Variants in KCND3 observed in about 807,000 individuals in gnomAD.
KCND3 encodes the protein A-type voltage-gated potassium channel KCND3.
A neutral mutation model predicts 51.1 loss-of-function variants in KCND3; 9 were observed. The ratio of observed to expected loss-of-function variants is 0.18; its 90% CI spans 0.11 to 0.31. The LOEUF (loss-of-function observed/expected upper bound fraction) is 0.31, where lower values mean the gene tolerates loss of function less well. KCND3 is among the 10% of genes least tolerant of loss of function. KCND3 has a pLI of 1.00. For synonymous variants in KCND3, 349 were observed against 368.0 expected (o/e 0.95, Z 0.59); for missense variants, 526 against 903.8 (o/e 0.58, Z 5.36).
chr1:111,827,878 C>G (rs1011546310), intron 2 of KCND3, among the ~76,000 whole-genome samples: 1 of 152,188 alleles, frequency 6.6e-6, no homozygotes, highest in Non-Finnish European at 1.5e-5. Flanking sequence ...AGGGATGCAG[C>G]AGGGGGCCCT....
chr1:111,862,500 T>A (rs185065799), intron 2 of KCND3, among the ~76,000 whole-genome samples: 11 of 152,248 alleles, frequency 7.2e-5, no homozygotes, highest in Admixed American at 2.6e-4. Context: ...ATATGGTGAG[T>A]CTGTAAATTA....
intron 2 of KCND3, among the ~76,000 whole-genome samples, chr1:111,924,579 AG>A (rs1671618349): frequency 6.6e-6 from 1 of 152,218 alleles, no homozygotes; most frequent in Non-Finnish European, 1.5e-5. Context: ...CAATGGCCAA[AG>A]GTCCCTCATA....
intron 2 of KCND3, among the ~76,000 whole-genome samples, chr1:111,883,478 AAGAAG>A (rs1669430486): frequency 6.6e-6 from 1 of 152,228 alleles, no homozygotes; most frequent in Non-Finnish European, 1.5e-5. Context: ...CGCCTATTTA[AAGAAG>A]CCTCCCTGGT....
chr1:111,867,511 G>A (rs1020225408), intron 2 of KCND3, among the ~76,000 whole-genome samples: 1 of 152,206 alleles, frequency 6.6e-6, no homozygotes, highest in Admixed American at 6.5e-5. Context: ...GCCTTAGGAT[G>A]CTTTTAGAGC....
chr1:111,988,954 C>T (rs1479940208), intron 1 of KCND3: 1 of 152,314 alleles, frequency 6.6e-6, no homozygotes, highest in Non-Finnish European at 1.5e-5. Flanking sequence ...GTGAGTCTTT[C>T]GATCCCTCTC....
intron 2 of KCND3, among the ~76,000 whole-genome samples, chr1:111,829,639 C>A (rs556655835): frequency 6.6e-6 from 1 of 152,310 alleles, no homozygotes; most frequent in South Asian, 2.1e-4. Context: ...CCATTATCCA[C>A]TCACCTCCTG....
chr1:111,818,669 CCT>C (rs1424005598), intron 2 of KCND3, among the ~76,000 whole-genome samples: 1 of 152,160 alleles, frequency 6.6e-6, no homozygotes, highest in East Asian at 1.9e-4. Context: ...TCTATTGTCC[CCT>C]GAGTTTCCCT....
chr1:111,920,110 C>T (rs1447016349), intron 2 of KCND3, among the ~76,000 whole-genome samples: 2 of 152,214 alleles, frequency 1.3e-5, no homozygotes, highest in African/African-American at 4.8e-5. Context: ...TGGGAGAGAA[C>T]CCCACCTGGC....
intron 2 of KCND3, among the ~76,000 whole-genome samples, chr1:111,889,441 C>G (rs1201786312): frequency 6.6e-6 from 1 of 152,206 alleles, no homozygotes; most frequent in Non-Finnish European, 1.5e-5. Context: ...ACAAAGATAT[C>G]TGTTCCTGTA....
intron 2 of KCND3, among the ~76,000 whole-genome samples, chr1:111,848,840 A>G (rs1381029712): frequency 6.6e-6 from 1 of 152,214 alleles, no homozygotes; most frequent in Admixed American, 6.5e-5. Flanking sequence ...GAAGGATGCC[A>G]GGGACGCGGG....
chr1:111,934,293 TG>T (rs1009311700), intron 2 of KCND3, among the ~76,000 whole-genome samples: 5 of 152,328 alleles, frequency 3.3e-5, no homozygotes, highest in South Asian at 2.1e-4. Context: ...ATTCCATCTC[TG>T]GCCTCATGAC....
intron 2 of KCND3, among the ~76,000 whole-genome samples, chr1:111,822,810 AATAG>A (rs1246384168): frequency 2.0e-5 from 3 of 152,246 alleles, no homozygotes; most frequent in African/African-American, 4.8e-5. Context: ...TATAATCAGA[AATAG>A]ATAGGGCTAC....
At chr1:111,876,097 T>G (rs1288333597) in intron 2 of KCND3, among the ~76,000 whole-genome samples, 2 of 152,158 alleles carry the variant, frequency 1.3e-5, no homozygotes, top group Non-Finnish European at 2.9e-5. Flanking sequence ...CAAATGTCCA[T>G]TTCCTCCTTA....
chr1:111,858,859 G>A (rs1349016486), intron 2 of KCND3, among the ~76,000 whole-genome samples: 1 of 152,206 alleles, frequency 6.6e-6, no homozygotes, highest in East Asian at 1.9e-4. Context: ...GGCTGGTCCT[G>A]GATCAAATGA....
chr1:111,815,642 G>C (rs1307048768), intron 2 of KCND3, among the ~76,000 whole-genome samples: 2 of 151,356 alleles, frequency 1.3e-5, no homozygotes, highest in African/African-American at 4.9e-5. Flanking sequence ...CAACACCTCT[G>C]ACCCTGCTCC....
rs1221245799 is a variant in KCND3 at position 111,774,647 on chromosome 1, T to C, written c.*1430A>G. On this transcript the variant is annotated 3_prime_UTR_variant, in exon 8 of 8. Transcript: ENST00000302127. ...TCTTCAGACATCAAGGCATCTTTCATAGCAGGTAAGAATCATCTAGAATCT... is the reference window on the plus strand; with the variant it reads ...TCTTCAGACATCAAGGCATCTTTCACAGCAGGTAAGAATCATCTAGAATCT... The C allele has an allele frequency of 6.6e-6, 1 of 152,268 alleles. No individual in the cohort carries two copies. Among genetic ancestry groups the C allele is most frequent in the Admixed American group, 6.5e-5 (1 of 15,290 alleles). The allele number at this position is 152,268 out of a possible 1,614,324, so 9.4% of individuals were successfully genotyped here.
At chr1:111,777,355 G>A (rs956762976) in intron 6 of KCND3, 82 bp from the exon 7 acceptor site, 84 of 1,475,736 alleles carry the variant, frequency 5.7e-5, no homozygotes, top group Non-Finnish European at 7.5e-5. Flanking sequence ...ATGGCTGCCT[G>A]TCTCTGTTCT....
At chr1:111,813,156 A>G (rs1008896942) in intron 2 of KCND3, among the ~76,000 whole-genome samples, 1 of 152,068 alleles carries the variant, frequency 6.6e-6, no homozygotes, top group African/African-American at 2.4e-5. Flanking sequence ...GAGTGGGGGT[A>G]TGGGAAGGGG....
intron 2 of KCND3, among the ~76,000 whole-genome samples, chr1:111,852,118 T>C (rs1383800305): frequency 6.6e-6 from 1 of 152,262 alleles, no homozygotes; most frequent in Non-Finnish European, 1.5e-5. Context: ...CTTCTCATCC[T>C]AGTCACCTGC....
Sources: gnomAD v4.1 joint callset for allele counts (sites outside exome capture counted in the v4.1 genomes callset) on GRCh38, gnomAD v4.1.1 for gene constraint, MANE v1.5 for transcripts, NCBI Gene and HGNC (gene_info 2026-07-23, HGNC 2026-07-21) for gene names.